The following SUDS3 variants were observed in gnomAD, a reference collection of about 807,000 sequenced individuals.
SUDS3 encodes SIN3A corepressor complex component SDS3.
SUDS3 carries 23 observed loss-of-function variants against 53.5 expected under a neutral mutation model. The ratio of observed to expected loss-of-function variants is 0.43; its 90% confidence interval spans 0.31 to 0.61. The LOEUF (loss-of-function observed/expected upper bound fraction) is 0.61, where lower values mean the gene tolerates loss of function less well. Among genes scored for constraint, SUDS3 ranks in the 20% least tolerant of loss-of-function variants. SUDS3 has a pLI of 0.10. For missense variants in SUDS3, 291 were observed against 405.9 expected, an observed-to-expected ratio of 0.72 and a Z score of 2.43; for synonymous variants, 150 against 148.5, an observed-to-expected ratio of 1.01 and a Z score of -0.08.
intron 11 of SUDS3, among the ~76,000 whole-genome samples, chr12:118,412,787 C>T (rs1385894603): frequency 2.6e-5 from 4 of 152,250 alleles, no homozygotes; most frequent in East Asian, 1.9e-4. Context: ...CGAATATTGT[C>T]GCGTCTTGAC....
At chr12:118,398,526 G>T (rs1354078655) in intron 6 of SUDS3, among the ~76,000 whole-genome samples, 1 of 151,412 alleles carries the variant, frequency 6.6e-6, no homozygotes. Context: ...TATTCATTAG[G>T]GCTTTGGTTC....
rs552106721 is a variant in SUDS3 at position 118,398,235 on chromosome 12, G to T, written c.518-2424G>T. On this transcript the variant is annotated intron_variant, in intron 6 of 11. Coordinates refer to ENST00000543473, the MANE Select transcript of SUDS3 (RefSeq NM_022491.3). ...ACATGTAACCCTCACGGCGCACTGT[G>T]GGGGAGGCATTATTGATACTTCTAT... 4.6e-5 allele frequency among the ~76,000 whole-genome samples: 7 copies of T among 152,274 alleles called. No individual in the cohort carries two copies. In the South Asian group the frequency reaches 8.3e-4, roughly 18 times the overall value.
intron 4 of SUDS3, among the ~76,000 whole-genome samples, chr12:118,389,181 T>C (rs1311064411): frequency 6.7e-6 from 1 of 148,850 alleles, no homozygotes; most frequent in Non-Finnish European, 1.5e-5. Flanking sequence ...AAACCAGGGG[T>C]CTCCATCCTT....
rs754831055 is a variant in SUDS3 at position 118,391,019 on chromosome 12, G to C, written c.361-107G>C. ...ACACTGTTACTGCAAGTGTGTGTGA[G>C]GGGGAAACTCTCACACACTTTGCAG... On this transcript the variant is annotated intron_variant, in intron 5 of 11. Coordinates refer to ENST00000543473, the MANE Select transcript of SUDS3 (RefSeq NM_022491.3). The C allele has an allele frequency of 1.2e-5, 15 of 1,253,042 alleles. No homozygotes were observed. In the African/African-American group the frequency reaches 2.2e-4, roughly 18 times the overall value. 77.6% of individuals were successfully genotyped at this position (1,253,042 alleles called of 1,614,324 possible).
rs2046165324 is a variant in SUDS3 at position 118,391,287 on chromosome 12, G to A, written c.517+5G>A. Reference sequence around the variant, plus strand: ...TGACAATGGAACTGACTGGAGGTAGGAAAGCCCTATGGGGTGGGATCTTGG... The same window carrying A: ...TGACAATGGAACTGACTGGAGGTAGAAAAGCCCTATGGGGTGGGATCTTGG... On this transcript the variant is annotated splice_donor_5th_base_variant and intron_variant, in intron 6 of 11. Coordinates refer to ENST00000543473, the MANE Select transcript of SUDS3 (RefSeq NM_022491.3). 3 of 1,608,148 alleles carry A rather than the reference G, an allele frequency of 1.9e-6. No individual in the cohort carries two copies. Among genetic ancestry groups the A allele is most frequent in the Non-Finnish European group, 2.5e-6 (3 of 1,178,100 alleles).
intron 3 of SUDS3, among the ~76,000 whole-genome samples, chr12:118,384,336 C>T (rs571995128): frequency 3.3e-4 from 50 of 152,292 alleles, no homozygotes; most frequent in Admixed American, 9.2e-4. Flanking sequence ...AATTGAACGC[C>T]ACTGTGCCTA....
intron 10 of SUDS3, among the ~76,000 whole-genome samples, chr12:118,410,757 C>T (rs779642236): frequency 5.9e-5 from 9 of 151,882 alleles, no homozygotes; most frequent in South Asian, 4.2e-4. Context: ...CCACCATGCC[C>T]GGCTACTTTT....
chr12:118,409,054 A>G (rs936093237), intron 10 of SUDS3, among the ~76,000 whole-genome samples: 1 of 152,190 alleles, frequency 6.6e-6, no homozygotes, highest in African/African-American at 2.4e-5. Context: ...AGCATAATGA[A>G]GGTCCCCTGC....
At chr12:118,412,410 C>T (rs2046367092) in intron 11 of SUDS3, among the ~76,000 whole-genome samples, 1 of 152,194 alleles carries the variant, frequency 6.6e-6, no homozygotes, top group African/African-American at 2.4e-5. Flanking sequence ...ATTCTTCCAG[C>T]TTCCTGAATT....
chr12:118,400,476 T>G (rs543825413), intron 6 of SUDS3, among the ~76,000 whole-genome samples, 183 bp from the exon 7 acceptor site: 26 of 152,296 alleles, frequency 1.7e-4, no homozygotes, highest in African/African-American at 6.3e-4. Flanking sequence ...GGTCTGAATC[T>G]TACAAGTATA....
chr12:118,390,886 G>A, intron 5 of SUDS3: 1 of 570,952 alleles, frequency 1.8e-6, no homozygotes, highest in Non-Finnish European at 3.3e-6. Context: ...TAAAATATAG[G>A]ATGTGGAAGC....
At chr12:118,411,022 T>G in intron 10 of SUDS3, 51 bp from the exon 11 acceptor site, 1 of 1,482,658 alleles carries the variant, frequency 6.7e-7, no homozygotes, top group Non-Finnish European at 9.2e-7. Flanking sequence ...TGGTTTTTAC[T>G]TCCTGTCTCT....
intron 11 of SUDS3, among the ~76,000 whole-genome samples, chr12:118,413,562 GTAACCC>G (rs1441493256): frequency 6.6e-6 from 1 of 152,216 alleles, no homozygotes; most frequent in Non-Finnish European, 1.5e-5. Flanking sequence ...ACAGAGCTCA[GTAACCC>G]TGGCTCAGGG....
chr12:118,410,805 G>T lies in SUDS3; in HGVS notation c.804-268G>T, dbSNP rs1042602225. Reference sequence around the variant, plus strand: ...GTAGAGACGGGGTTTTACCGTGTTAGCCAGGATGGTCTTGATCTCCTGACC... The same window carrying T: ...GTAGAGACGGGGTTTTACCGTGTTATCCAGGATGGTCTTGATCTCCTGACC... On this transcript the variant is annotated intron_variant, in intron 10 of 11. Coordinates refer to ENST00000543473, the MANE Select transcript of SUDS3 (RefSeq NM_022491.3). Among the ~76,000 whole-genome samples the T allele has an allele frequency of 3.3e-5, 5 of 151,940 alleles. No homozygotes were observed. The South Asian group carries it at 6.2e-4, about 19-fold the overall frequency.
intron 9 of SUDS3, 33 bp downstream of exon 9, chr12:118,402,037 CT>C: frequency 6.2e-7 from 1 of 1,613,052 alleles, no homozygotes; most frequent in Non-Finnish European, 8.5e-7. Context: ...TTTGTGCAAC[CT>C]TTTTATCATG....
In SUDS3 at chr12:118,376,589, C is replaced by T; in HGVS notation, c.-103C>T. On this transcript the variant is annotated 5_prime_UTR_variant, in exon 1 of 12. Transcript: ENST00000543473. ...GAAGGGGTCGCCGTGGCTGCCGGTC[C>T]TCGAGTTGGGGGCTGCCGCGGACAC... The T allele has an allele frequency of 1.6e-6, 2 of 1,245,392 alleles. No individual in the cohort carries two copies. Among genetic ancestry groups the T allele is most frequent in the Non-Finnish European group, 1.0e-6 (1 of 991,898 alleles). 77.1% of individuals were successfully genotyped at this position (1,245,392 alleles called of 1,614,324 possible).
chr12:118,405,694 T>TG (rs2046302664), intron 10 of SUDS3, among the ~76,000 whole-genome samples: 1 of 152,208 alleles, frequency 6.6e-6, no homozygotes, highest in African/African-American at 2.4e-5. Context: ...TTGTTGAAGG[T>TG]GGGTCTCCCT....
intron 9 of SUDS3, 33 bp from the exon 10 acceptor site, chr12:118,403,379 A>G: frequency 1.3e-6 from 2 of 1,540,782 alleles, no homozygotes; most frequent in Non-Finnish European, 1.8e-6. Flanking sequence ...TGTTTGTTAC[A>G]TTCTTAGTCA....
At chr12:118,384,350 C>G (rs1379924668) in intron 3 of SUDS3, among the ~76,000 whole-genome samples, 2 of 152,168 alleles carry the variant, frequency 1.3e-5, no homozygotes, top group Non-Finnish European at 2.9e-5. Context: ...GTGCCTAAAG[C>G]TAGAGATTTT....
Sources: allele counts gnomAD v4.1 joint callset (sites outside exome capture counted in the v4.1 genomes callset), GRCh38; gene constraint gnomAD v4.1.1; transcripts MANE v1.5; gene names NCBI Gene and HGNC (gene_info 2026-07-23, HGNC 2026-07-21).